The following KPNA1 variants were observed in gnomAD, a reference collection of about 807,000 sequenced individuals.
KPNA1 encodes importin subunit alpha-5.
Under a neutral mutation model 70.5 loss-of-function variants are expected in KPNA1, and 10 were observed. The ratio of observed to expected loss-of-function variants is 0.14; its 90% CI spans 0.09 to 0.24. KPNA1 has a LOEUF of 0.24. KPNA1 is among the 10% of genes least tolerant of loss of function. The pLI is 1.00. For missense variants in KPNA1, 397 were observed against 637.9 expected (o/e 0.62, Z 4.07); for synonymous variants, 192 against 221.9 (o/e 0.87, Z 1.20).
intron 11 of KPNA1, among the ~76,000 whole-genome samples, chr3:122,436,200 A>G (rs1274441223): frequency 2.0e-5 from 3 of 152,166 alleles, no homozygotes; most frequent in African/African-American, 7.2e-5. Context: ...GGACGAGGAA[A>G]TTCCCGCCTA....
chr3:122,436,049 A>C (rs2075981779), intron 11 of KPNA1, among the ~76,000 whole-genome samples: 1 of 152,244 alleles, frequency 6.6e-6, no homozygotes, highest in Non-Finnish European at 1.5e-5. Context: ...TCTTTTTCTC[A>C]GCAAGGAACA....
rs564208237 is a variant in KPNA1 at position 122,438,225 on chromosome 3, A to G, written c.997-930T>C. Among the ~76,000 whole-genome samples the G allele has an allele frequency of 6.6e-5, 10 of 152,290 alleles. No individual in the cohort carries two copies. The East Asian group carries it at 7.7e-4, about 12-fold the overall frequency. On this transcript the variant is annotated intron_variant, in intron 10 of 13. Transcript: ENST00000344337. ...TACTCTTTGCTCCTGCTCACGTCAC[A>G]TAAGACAAGCCTGCTTTCTCTTCAC...
At chr3:122,428,959 A>T (rs1008854285) in intron 12 of KPNA1, among the ~76,000 whole-genome samples, 1 of 152,244 alleles carries the variant, frequency 6.6e-6, no homozygotes, top group African/African-American at 2.4e-5. Flanking sequence ...CATGAACATG[A>T]ATACAAAAAT....
chr3:122,461,651 T>C (rs892772434), intron 4 of KPNA1, among the ~76,000 whole-genome samples: 1 of 152,214 alleles, frequency 6.6e-6, no homozygotes, highest in Non-Finnish European at 1.5e-5. Flanking sequence ...TACTTCCTTC[T>C]AGCCTGTTTC....
Position 122,453,910 on chromosome 3 carries a change from A to G in KPNA1, c.524T>C (p.Ile175Thr), listed in dbSNP as rs2076239546. The stretch of plus-strand genomic sequence containing the variant: ...TTCAAACTCTGAGCTGAGCAACTCT[A>G]TGAAGATGGGCACAGCTCCTGCCTG... Reference protein sequence around the residue: ...VIQAGAVPIFIELLSSEFEDV... With the variant: ...VIQAGAVPIFTELLSSEFEDV... Residue 175 changes from isoleucine to threonine, a missense_variant, in exon 6 of 14, where the codon ATA becomes ACA. Coordinates refer to ENST00000344337, the MANE Select transcript of KPNA1 (RefSeq NM_002264.4). 6.2e-7 allele frequency: 1 copy of G among 1,612,862 alleles called. No individual in the cohort carries two copies. Among genetic ancestry groups the G allele is most frequent in the Non-Finnish European group, 8.5e-7 (1 of 1,179,304 alleles).
chr3:122,437,370 T>G (rs1202214440), intron 10 of KPNA1, 75 bp from the exon 11 acceptor site: 1 of 1,109,208 alleles, frequency 9.0e-7, no homozygotes, highest in Admixed American at 2.9e-5. Context: ...GAACACATTT[T>G]ATGAAAGACA....
intron 5 of KPNA1, among the ~76,000 whole-genome samples, chr3:122,458,150 T>TGG (rs2076284718): frequency 6.6e-6 from 1 of 152,234 alleles, no homozygotes; most frequent in African/African-American, 2.4e-5. Flanking sequence ...TAGCTATTTT[T>TGG]ATAAACTTCT....
chr3:122,464,717 A>G (rs938108764), intron 3 of KPNA1, among the ~76,000 whole-genome samples: 9 of 152,072 alleles, frequency 5.9e-5, no homozygotes, highest in Non-Finnish European at 1.3e-4. Flanking sequence ...GAATGTTTCC[A>G]TTTCCCACCA....
intron 6 of KPNA1, 108 bp from the exon 7 acceptor site, chr3:122,452,172 C>T (rs2107736585): frequency 2.6e-6 from 2 of 776,288 alleles, no homozygotes; most frequent in Non-Finnish European, 4.6e-6. Context: ...TCAAATGAAA[C>T]AGTTGTAGGA....
In KPNA1 at chr3:122,426,941, G is replaced by A; in HGVS notation, c.*44C>T. 1 of 1,530,642 alleles carries A rather than the reference G, an allele frequency of 6.5e-7. No homozygotes were observed. Among genetic ancestry groups the A allele is most frequent in the Non-Finnish European group, 9.0e-7 (1 of 1,107,680 alleles). The allele number at this position is 1,530,642 out of a possible 1,614,324, so 94.8% of individuals were successfully genotyped here. A position where few individuals can be genotyped will look rare whatever the true frequency, so the allele number is the denominator to read the frequency against. ...GTGGGCTCCACAAGAGGACTCGACT[G>A]GGTAGCCTGGTCTGACACAGGTACG... is the stretch of plus-strand genomic sequence containing the variant. On this transcript the variant is annotated 3_prime_UTR_variant, in exon 14 of 14. Coordinates refer to ENST00000344337, the MANE Select transcript of KPNA1 (RefSeq NM_002264.4).
rs200370025 is a variant in KPNA1 at position 122,474,990 on chromosome 3, T to G, written c.130-7561A>C. 2.6e-5 allele frequency among the ~76,000 whole-genome samples: 4 copies of G among 152,246 alleles called. No homozygotes were observed. In the East Asian group the frequency reaches 7.7e-4, roughly 29 times the overall value. Reference sequence around the variant, plus strand: ...CTTGCCATCTTCACTCAATATGGTGTTGGAAGTCCTAGCCAGAGCAATTAG... The same window carrying G: ...CTTGCCATCTTCACTCAATATGGTGGTGGAAGTCCTAGCCAGAGCAATTAG... On this transcript the variant is annotated intron_variant, in intron 2 of 13. Transcript: ENST00000344337.
At chr3:122,436,513 T>C (rs182576264) in intron 11 of KPNA1, among the ~76,000 whole-genome samples, 16 of 152,338 alleles carry the variant, frequency 1.1e-4, no homozygotes, top group African/African-American at 3.8e-4. Context: ...AAATTTCTCT[T>C]GTACTCTTTC....
At chr3:122,443,174 C>G (rs2076088460) in intron 9 of KPNA1, 1 of 152,370 alleles carries the variant, frequency 6.6e-6, no homozygotes, top group South Asian at 2.1e-4. Flanking sequence ...CTCAGCGGGT[C>G]CCATGCCCAT....
chr3:122,431,121 T>C (rs2075900207), intron 12 of KPNA1, among the ~76,000 whole-genome samples: 1 of 152,240 alleles, frequency 6.6e-6, no homozygotes, highest in Admixed American at 6.5e-5. Flanking sequence ...TATTAACATT[T>C]GATTATATTC....
intron 1 of KPNA1, among the ~76,000 whole-genome samples, chr3:122,502,296 C>T (rs1250505505): frequency 6.6e-6 from 1 of 152,172 alleles, no homozygotes; most frequent in Non-Finnish European, 1.5e-5. Flanking sequence ...TGTTGACACC[C>T]TAACCACCAG....
intron 5 of KPNA1, chr3:122,457,727 TC>T: frequency 7.8e-7 from 1 of 1,287,718 alleles, no homozygotes; most frequent in Non-Finnish European, 1.0e-6. Context: ...ACTTCTGACC[TC>T]CTATCAAGTT....
In KPNA1 at chr3:122,489,624, T is replaced by A. The variant is rs113504938; in HGVS notation, c.129+6813A>T. Among the ~76,000 whole-genome samples, 1,262 of 152,330 alleles carry A rather than the reference T, an allele frequency of 8.3e-3. 10 individuals are homozygous for A. Among genetic ancestry groups the A allele is most frequent in the Non-Finnish European group, 0.013 (912 of 68,028 alleles). On this transcript the variant is annotated intron_variant, in intron 2 of 13. Coordinates refer to ENST00000344337, the MANE Select transcript of KPNA1 (RefSeq NM_002264.4). The stretch of plus-strand genomic sequence containing the variant: ...CTTTTTGAACACATGGAATATGGTA[T>A]GGTTATAATAACCATTTATATTTTA...
chr3:122,490,480 G>C (rs2076685603), intron 2 of KPNA1, among the ~76,000 whole-genome samples: 1 of 152,106 alleles, frequency 6.6e-6, no homozygotes. Context: ...ACTCCATTTT[G>C]GCCAGAAGCA....
At chr3:122,429,266 C>T (rs1464146382) in intron 12 of KPNA1, among the ~76,000 whole-genome samples, 1 of 152,018 alleles carries the variant, frequency 6.6e-6, no homozygotes, top group African/African-American at 2.4e-5. Context: ...GCCTGGCCCA[C>T]ATGGTGAAAC....
Sources: gnomAD v4.1 joint callset for allele counts (sites outside exome capture counted in the v4.1 genomes callset) on GRCh38, gnomAD v4.1.1 for gene constraint, MANE v1.5 for transcripts, NCBI Gene and HGNC (gene_info 2026-07-23, HGNC 2026-07-21) for gene names.